CERS4: variants seen among roughly 807,000 people sequenced by gnomAD.
CERS4 encodes the protein ceramide synthase 4, also known as LAG1 homolog, ceramide synthase 4.
A neutral mutation model predicts 51.8 loss-of-function variants in CERS4; 65 were observed. The ratio of observed to expected loss-of-function variants is 1.26; its 90% CI spans 1.03 to 1.54. The LOEUF is 1.54. CERS4 is among the 40% of genes most tolerant of loss of function. The probability of loss-of-function intolerance (pLI) is 0.00; values close to 1 mark genes in which losing one functional copy is unlikely to be tolerated. For synonymous variants in CERS4, 228 were observed against 208.4 expected, an observed-to-expected ratio of 1.09 and a Z score of -0.81; for missense variants, 563 against 500.4, an observed-to-expected ratio of 1.13 and a Z score of -1.19.
intron 2 of CERS4, chr19:8,250,653 C>T (rs1421858308): frequency 5.6e-6 from 1 of 178,598 alleles, no homozygotes; most frequent in African/African-American, 2.4e-5. Context: ...GACAGGGTTT[C>T]ACCATGTTGG....
intron 2 of CERS4, among the ~76,000 whole-genome samples, chr19:8,245,728 C>T (rs1054463810): frequency 4.0e-5 from 6 of 150,886 alleles, no homozygotes; most frequent in Middle Eastern, 3.4e-3. Flanking sequence ...TTAGTAGAGA[C>T]GGGGTTTCAC....
chr19:8,251,335 A>G (rs1264997439), intron 3 of CERS4, 86 bp downstream of exon 3: 18 of 1,467,312 alleles, frequency 1.2e-5, no homozygotes, highest in East Asian at 2.5e-5. Flanking sequence ...CCATTGCAGC[A>G]TGTCCCGAGT....
At chr19:8,256,794 C>A (rs1196847108) in intron 8 of CERS4, 84 bp downstream of exon 8, 3 of 1,570,424 alleles carry the variant, frequency 1.9e-6, no homozygotes, top group African/African-American at 1.4e-5. Context: ...TACAACCGCA[C>A]CTTGAGAGCT....
intron 2 of CERS4, among the ~76,000 whole-genome samples, chr19:8,217,223 G>A (rs868378737): frequency 1.3e-5 from 2 of 152,090 alleles, no homozygotes; most frequent in Non-Finnish European, 2.9e-5. Context: ...GTGAGTGATG[G>A]GCTGAGACAG....
At position 8,256,628 on chromosome 19, in the gene CERS4, C is replaced by T. The variant is rs1481960818; in HGVS notation, c.530C>T (p.Pro177Leu). 1 of 1,612,244 alleles carries T rather than the reference C, an allele frequency of 6.2e-7. No individual in the cohort carries two copies. Among genetic ancestry groups the T allele is most frequent in the Non-Finnish European group, 8.5e-7 (1 of 1,179,302 alleles). Residue 177 changes from proline (P) to leucine (L), a missense_variant, in exon 8 of 12, where the codon CCA becomes CTA. Coordinates refer to ENST00000251363, the MANE Select transcript of CERS4 (RefSeq NM_024552.3). ...WDRYPNQTLK[P>L]SLYWWYLLEL... ...CCTGTCCTGCTGCAGACTCTGAAGC[C>T]ATCCCTGTACTGGTGGTACCTCTTG... is the stretch of plus-strand genomic sequence containing the variant.
chr19:8,237,186 C>T lies in CERS4; in HGVS notation c.-1-13890C>T, dbSNP rs554121452. ...AAAGGCTGCTGGACTAGGTGTAGCT[C>T]ACTCAGCCTCCAGCTTTCTGTTCAT... On this transcript the variant is annotated intron_variant, in intron 2 of 11. Coordinates refer to ENST00000251363, the MANE Select transcript of CERS4 (RefSeq NM_024552.3). Among the ~76,000 whole-genome samples, 15 of 152,108 alleles carry T rather than the reference C, an allele frequency of 9.9e-5. 1 individual carries two copies. In the South Asian group the frequency reaches 3.1e-3, roughly 32 times the overall value.
intron 10 of CERS4, among the ~76,000 whole-genome samples, chr19:8,260,144 G>A (rs934863349): frequency 2.0e-5 from 3 of 151,986 alleles, no homozygotes; most frequent in South Asian, 2.1e-4. Context: ...TGAGGAAGGC[G>A]AGGTCGCTGG....
chr19:8,260,015 T>C (rs1348723160), intron 10 of CERS4, among the ~76,000 whole-genome samples: 5 of 151,460 alleles, frequency 3.3e-5, no homozygotes, highest in African/African-American at 1.2e-4. Flanking sequence ...GAAGTGGCTG[T>C]GAGATGGGGA....
chr19:8,256,508 T>C (rs1003950971), intron 7 of CERS4, 110 bp from the exon 8 acceptor site: 157 of 1,127,534 alleles, frequency 1.4e-4, no homozygotes, highest in Middle Eastern at 4.1e-4. Context: ...AGCTCACTCA[T>C]TGGGATTCAA....
intron 2 of CERS4, among the ~76,000 whole-genome samples, chr19:8,214,045 T>A (rs555684262): frequency 6.6e-6 from 1 of 151,834 alleles, no homozygotes; most frequent in South Asian, 2.1e-4. Flanking sequence ...CTTTATACCT[T>A]TGTTAATAGG....
intron 10 of CERS4, chr19:8,261,463 T>G (rs1044632529): frequency 1.6e-5 from 9 of 576,938 alleles, no homozygotes; most frequent in Non-Finnish European, 2.5e-5. Flanking sequence ...TTCATAGTCA[T>G]GAATGGCCAG....
At chr19:8,236,866 G>A (rs1414330657) in intron 2 of CERS4, among the ~76,000 whole-genome samples, 1 of 151,420 alleles carries the variant, frequency 6.6e-6, no homozygotes, top group South Asian at 2.1e-4. Flanking sequence ...GCCAGGCATC[G>A]TGGCATGGAC....
chr19:8,233,442 C>T (rs573392415), intron 2 of CERS4, among the ~76,000 whole-genome samples: 2 of 152,092 alleles, frequency 1.3e-5, no homozygotes, highest in African/African-American at 4.8e-5. Context: ...GCTGGGATTA[C>T]AGGTGTGAGC....
chr19:8,247,446 G>T (rs1429770984), intron 2 of CERS4, among the ~76,000 whole-genome samples: 1 of 151,820 alleles, frequency 6.6e-6, no homozygotes, highest in Non-Finnish European at 1.5e-5. Flanking sequence ...TTCTCATAGG[G>T]TCTTGCTCTG....
intron 2 of CERS4, among the ~76,000 whole-genome samples, chr19:8,249,160 A>T (rs1568527497): frequency 6.9e-6 from 1 of 145,168 alleles, no homozygotes. Context: ...GGATGGGTGG[A>T]TGGATGATGG....
At chr19:8,225,382 A>G (rs1279732857) in intron 2 of CERS4, among the ~76,000 whole-genome samples, 2 of 150,898 alleles carry the variant, frequency 1.3e-5, no homozygotes, top group East Asian at 3.9e-4. Flanking sequence ...GACAGTGAAT[A>G]GAAGCAGGAA....
Position 8,245,129 on chromosome 19 carries a change from A to AAAAAAAC in CERS4, c.-1-5945_-1-5939dup, listed in dbSNP as rs1234273978. Among the ~76,000 whole-genome samples the AAAAAAAC allele has an allele frequency of 2.0e-3, 303 of 148,478 alleles. 2 individuals carry two copies. The highest frequency in any genetic ancestry group is 7.4e-3 in the African/African-American group (295 of 39,626). On this transcript the variant is annotated intron_variant, in intron 2 of 11. Transcript: ENST00000251363. ...TCCATCTCAAAAAAAAAAAAAAAAA[A>AAAAAAAC]AAAAAACACTCTTGGCTTCAAGCAA...
intron 2 of CERS4, among the ~76,000 whole-genome samples, chr19:8,235,216 C>T (rs1223865485): frequency 2.0e-5 from 3 of 151,294 alleles, no homozygotes; most frequent in Non-Finnish European, 4.4e-5. Flanking sequence ...ACCATGTTGG[C>T]CAAGATGGTC....
chr19:8,256,002 G>C, intron 6 of CERS4, 123 bp downstream of exon 6: 1 of 1,159,086 alleles, frequency 8.6e-7, no homozygotes. Flanking sequence ...GAGAGAGCGA[G>C]CTTTGCAAGA....
Sources: gnomAD v4.1 joint callset for allele counts (sites outside exome capture counted in the v4.1 genomes callset) on GRCh38, gnomAD v4.1.1 for gene constraint, MANE v1.5 for transcripts, NCBI Gene and HGNC (gene_info 2026-07-23, HGNC 2026-07-21) for gene names.